The following ZMYND8 variants were observed in gnomAD, a reference collection of about 807,000 sequenced individuals.
The protein encoded by ZMYND8 is MYND-type zinc finger-containing chromatin reader ZMYND8.
Under a neutral mutation model 140.8 loss-of-function variants are expected in ZMYND8, and 37 were observed. The ratio of observed to expected loss-of-function variants is 0.26; its 90% CI spans 0.20 to 0.35. The LOEUF is 0.35. ZMYND8 is among the 10% of genes least tolerant of loss of function. ZMYND8 has a pLI of 1.00. For synonymous variants in ZMYND8, 592 were observed against 597.1 expected, an observed-to-expected ratio of 0.99 and a Z score of 0.12; for missense variants, 1,068 against 1,570.0, an observed-to-expected ratio of 0.68 and a Z score of 5.40.
chr20:47,325,053 C>T (rs542238324), intron 2 of ZMYND8, among the ~76,000 whole-genome samples: 9 of 152,110 alleles, frequency 5.9e-5, no homozygotes, highest in African/African-American at 9.6e-5. Flanking sequence ...TACAGGCGTG[C>T]GCCACCACGC....
intron 11 of ZMYND8, among the ~76,000 whole-genome samples, chr20:47,265,577 G>C (rs2075461532): frequency 6.6e-6 from 1 of 152,148 alleles, no homozygotes. Flanking sequence ...AGTAGCTGGG[G>C]CTACAGGTAT....
intron 1 of ZMYND8, chr20:47,356,294 C>CAGAGAGAGAGAGAGGG: frequency 8.7e-7 from 1 of 1,153,604 alleles, no homozygotes; most frequent in African/African-American, 1.8e-5. Context: ...GGGAACTGCT[C>CAGAGAGAGAGAGAGGG]AGAGAGAGAG....
chr20:47,332,303 T>G (rs970064531), intron 2 of ZMYND8, among the ~76,000 whole-genome samples: 6 of 151,414 alleles, frequency 4.0e-5, no homozygotes, highest in Non-Finnish European at 8.8e-5. Context: ...ATAGTGAGAC[T>G]CAATCTCAAA....
intron 13 of ZMYND8, among the ~76,000 whole-genome samples, chr20:47,248,266 A>G (rs1159658098): frequency 2.6e-5 from 4 of 152,234 alleles, no homozygotes; most frequent in African/African-American, 7.2e-5. Context: ...GGAAATAATA[A>G]AATTCTTATT....
At position 47,210,802 on chromosome 20, in the gene ZMYND8, G is replaced by A; in HGVS notation, c.3664C>T (p.Leu1222Phe). The A allele has an allele frequency of 6.2e-7, 1 of 1,614,098 alleles. No individual in the cohort carries two copies. The highest frequency in any genetic ancestry group is 8.5e-7 in the Non-Finnish European group (1 of 1,180,024). ...TCCAGCCGAGACTCTTTCGGGAGGA[G>A]GCTCTTCGTGCTGGTACTGGTGTTG... ...DHNTSTSTKS[L>F]LPKESRLDTF... The change falls in exon 23 of 23, where the codon CTC becomes TTC. Residue 1222 changes from leucine to phenylalanine, a missense_variant. This residue lies in a region of ZMYND8 where 180 missense variants were observed against 187.8 expected (regional missense o/e 0.96). Coordinates refer to ENST00000471951, the MANE Select transcript of ZMYND8 (RefSeq NM_001281775.3).
intron 1 of ZMYND8, chr20:47,356,354 A>C (rs2083240597): frequency 4.0e-6 from 6 of 1,487,484 alleles, no homozygotes; most frequent in Non-Finnish European, 4.4e-6. Flanking sequence ...AAAGAAGGAA[A>C]AAAAAAAGCT....
chr20:47,245,709 G>A (rs1329419798), intron 14 of ZMYND8, among the ~76,000 whole-genome samples: 1 of 152,198 alleles, frequency 6.6e-6, no homozygotes, highest in Non-Finnish European at 1.5e-5. Context: ...AAATGACTTG[G>A]TCACTAAAAG....
At chr20:47,287,365 G>A in intron 7 of ZMYND8, 81 bp from the exon 8 acceptor site, 1 of 1,186,216 alleles carries the variant, frequency 8.4e-7, no homozygotes, top group Admixed American at 1.7e-5. Flanking sequence ...CGCTAACAAT[G>A]TGTTTACTTG....
At chr20:47,283,450 A>C (rs956691614) in intron 9 of ZMYND8, 121 bp downstream of exon 9, 1 of 1,008,582 alleles carries the variant, frequency 9.9e-7, no homozygotes, top group African/African-American at 1.6e-5. Context: ...ATCAGCAAAA[A>C]ATTATCTTAA....
rs371664120 is a variant in ZMYND8, at chr20:47,210,816, G to T, written c.3650C>A (p.Thr1217Asn). The change falls in exon 23 of 23, where the codon ACC (threonine) becomes AAC (asparagine). Residue 1217 changes from threonine to asparagine, a missense_variant. By Grantham distance (65) the Thr-to-Asn change is moderately conservative. Transcript: ENST00000471951. ...TTTCGGGAGGAGGCTCTTCGTGCTG[G>T]TACTGGTGTTGTGATCGGAACGTGT... Reference protein sequence around the residue: ...GSTRSDHNTSTSTKSLLPKES... With the variant: ...GSTRSDHNTSNSTKSLLPKES... The T allele has an allele frequency of 1.2e-6, 2 of 1,614,020 alleles. No individual in the cohort carries two copies. The highest frequency in any genetic ancestry group is 1.7e-6 in the Non-Finnish European group (2 of 1,180,042).
chr20:47,324,722 G>A (rs1369068057), intron 2 of ZMYND8, among the ~76,000 whole-genome samples: 40 of 151,882 alleles, frequency 2.6e-4, no homozygotes, highest in Non-Finnish European at 2.9e-5. Flanking sequence ...CTTCGCATGC[G>A]GCTGGCCCCT....
chr20:47,236,845 G>A (rs1361306760), intron 15 of ZMYND8, among the ~76,000 whole-genome samples: 1 of 152,084 alleles, frequency 6.6e-6, no homozygotes, highest in Non-Finnish European at 1.5e-5. Flanking sequence ...CTGAAGACAG[G>A]ACCTCAGCAT....
intron 6 of ZMYND8, among the ~76,000 whole-genome samples, 157 bp from the exon 7 acceptor site, chr20:47,290,431 C>A (rs994818323): frequency 1.3e-5 from 2 of 152,130 alleles, no homozygotes; most frequent in Non-Finnish European, 2.9e-5. Context: ...ACCTACAACA[C>A]CCCGACTAAA....
At chr20:47,273,101 A>G (rs755636174) in intron 11 of ZMYND8, among the ~76,000 whole-genome samples, 6 of 152,190 alleles carry the variant, frequency 3.9e-5, no homozygotes, top group Non-Finnish European at 1.5e-5. Flanking sequence ...AAAATGACTC[A>G]GTTTCTTCTA....
At chr20:47,333,253 C>G (rs1473069823) in intron 2 of ZMYND8, among the ~76,000 whole-genome samples, 1 of 152,040 alleles carries the variant, frequency 6.6e-6, no homozygotes, top group Non-Finnish European at 1.5e-5. Context: ...CATAGTGGTA[C>G]ACTCCTGTAG....
intron 11 of ZMYND8, among the ~76,000 whole-genome samples, chr20:47,275,771 C>A (rs941003716): frequency 1.7e-4 from 26 of 152,122 alleles, no homozygotes; most frequent in African/African-American, 6.0e-4. Context: ...CCACGACCAG[C>A]TAATTTTTGT....
chr20:47,345,335 G>T (rs918235861), intron 2 of ZMYND8, among the ~76,000 whole-genome samples: 1 of 152,036 alleles, frequency 6.6e-6, no homozygotes, highest in African/African-American at 2.4e-5. Context: ...AGGCCAAGGA[G>T]CTCAAGTGAA....
At chr20:47,287,335 G>A (rs745537169) in intron 7 of ZMYND8, 51 bp from the exon 8 acceptor site, 42 of 1,478,440 alleles carry the variant, frequency 2.8e-5, no homozygotes, top group South Asian at 3.4e-5. Context: ...CCGCAACACC[G>A]GGCCTGGGGA....
intron 16 of ZMYND8, among the ~76,000 whole-genome samples, chr20:47,232,897 G>GTTTTT (rs144707608): frequency 4.3e-5 from 3 of 70,126 alleles, no homozygotes; most frequent in Admixed American, 1.9e-4. Flanking sequence ...GTTTTTTTTT[G>GTTTTT]TTTTTTTTGT....
Sources: allele counts gnomAD v4.1 joint callset (sites outside exome capture counted in the v4.1 genomes callset), GRCh38; gene constraint gnomAD v4.1.1; regional missense constraint gnomAD v4.1.1; transcripts MANE v1.5; gene names NCBI Gene and HGNC (gene_info 2026-07-23, HGNC 2026-07-21).